LRRC37A2: variants seen among roughly 807,000 people sequenced by gnomAD.
LRRC37A2 encodes the protein leucine rich repeat containing 37 member A2, also known as leucine-rich repeat-containing protein 37A2.
Under a neutral mutation model 68.8 loss-of-function variants are expected in LRRC37A2, and 9 were observed. That is an observed-to-expected ratio of 0.13 (90% CI 0.08 to 0.23). LRRC37A2 has a LOEUF of 0.23. Among genes scored for constraint, LRRC37A2 ranks in the 10% least tolerant of loss-of-function variants. The probability of loss-of-function intolerance (pLI) is 1.00; values close to 1 mark genes in which losing one functional copy is unlikely to be tolerated. For synonymous variants in LRRC37A2, 63 were observed against 367.6 expected, an observed-to-expected ratio of 0.17 and a Z score of 9.48; for missense variants, 168 against 950.4, an observed-to-expected ratio of 0.18 and a Z score of 10.82.
chr17:47,046,322 G>A, the LRRC37A2 span, among the ~76,000 whole-genome samples: 1 of 103,582 alleles, frequency 9.7e-6, no homozygotes, highest in African/African-American at 3.7e-5. Flanking sequence ...TTCAGCCTGG[G>A]TGACAAAATA....
At chr17:47,038,477 T>C in the LRRC37A2 span, among the ~76,000 whole-genome samples, 1 of 151,772 alleles carries the variant, frequency 6.6e-6, no homozygotes, top group East Asian at 1.9e-4. Flanking sequence ...TATCCGAGTG[T>C]GGTGGTGCGC....
chr17:46,869,529 A>G, the LRRC37A2 span, among the ~76,000 whole-genome samples: 5 of 152,202 alleles, frequency 3.3e-5, no homozygotes, highest in Admixed American at 6.5e-5. Flanking sequence ...GAACAAACCA[A>G]CAAAAACCAG....
the LRRC37A2 span, among the ~76,000 whole-genome samples, chr17:46,997,775 GC>G: frequency 7.6e-4 from 115 of 152,294 alleles, no homozygotes; most frequent in African/African-American, 2.7e-3. Flanking sequence ...TTTGAGACCA[GC>G]CTGGCCCAGA....
the LRRC37A2 span, chr17:46,940,773 T>C: frequency 6.6e-7 from 1 of 1,523,548 alleles, no homozygotes; most frequent in Non-Finnish European, 8.8e-7. Flanking sequence ...TCCTCTAGTT[T>C]GGAATAAAAA....
At chr17:46,896,422 G>GAA in the LRRC37A2 span, among the ~76,000 whole-genome samples, 136 of 83,762 alleles carry the variant, frequency 1.6e-3, no homozygotes, top group African/African-American at 0.012. Flanking sequence ...AAGAAAGAAA[G>GAA]AAAGAAAGAA....
chr17:46,849,918 G>C, the LRRC37A2 span, among the ~76,000 whole-genome samples: 1 of 149,812 alleles, frequency 6.7e-6, no homozygotes, highest in African/African-American at 2.5e-5. Flanking sequence ...CGTGATTTCG[G>C]CTCACTGCAA....
chr17:46,511,159 CATT>C (rs2050930746), upstream of LRRC37A2, among the ~76,000 whole-genome samples: 1 of 120,260 alleles, frequency 8.3e-6, no homozygotes, highest in Non-Finnish European at 1.8e-5. Flanking sequence ...TCAAAACAGT[CATT>C]ATTTACTATT....
At chr17:46,961,925 A>G in the LRRC37A2 span, among the ~76,000 whole-genome samples, 1 of 152,240 alleles carries the variant, frequency 6.6e-6, no homozygotes, top group African/African-American at 2.4e-5. Flanking sequence ...CTGACCAATG[A>G]TTCCAAATCA....
chr17:46,954,100 A>G, the LRRC37A2 span, among the ~76,000 whole-genome samples: 2 of 152,208 alleles, frequency 1.3e-5, no homozygotes, highest in Admixed American at 6.5e-5. Context: ...TTAGACATGA[A>G]GTCCTTGCCC....
the LRRC37A2 span, chr17:46,923,443 C>A: frequency 1.9e-4 from 266 of 1,415,562 alleles, no homozygotes; most frequent in African/African-American, 3.5e-3. Flanking sequence ...GCAGATGACT[C>A]CTGGGGTCTG....
chr17:46,588,706 AG>A, the LRRC37A2 span, among the ~76,000 whole-genome samples: 1 of 33,858 alleles, frequency 3.0e-5, no homozygotes, highest in African/African-American at 8.9e-5. Flanking sequence ...AAAAAAAAAA[AG>A]GATACAACTG....
chr17:46,766,049 A>C, the LRRC37A2 span, among the ~76,000 whole-genome samples: 1 of 152,154 alleles, frequency 6.6e-6, no homozygotes, highest in South Asian at 2.1e-4. Context: ...AGCACTTTAC[A>C]TAAGATTGAG....
At chr17:46,916,853 T>C in the LRRC37A2 span, 2 of 152,300 alleles carry the variant, frequency 1.3e-5, no homozygotes, top group Admixed American at 6.5e-5. Context: ...CATCCCATGA[T>C]GGAAAAGTGA....
chr17:47,026,426 C>A, the LRRC37A2 span, among the ~76,000 whole-genome samples: 2 of 152,216 alleles, frequency 1.3e-5, no homozygotes, highest in African/African-American at 4.8e-5. Flanking sequence ...GTTGAGAGGG[C>A]ACGTTAGAAC....
At chr17:46,912,023 C>T in the LRRC37A2 span, among the ~76,000 whole-genome samples, 3 of 152,188 alleles carry the variant, frequency 2.0e-5, no homozygotes, top group Non-Finnish European at 4.4e-5. Context: ...GGCCAACCCC[C>T]ATCGCTTGAT....
chr17:46,542,985 CT>C (rs1694825687), intron 8 of LRRC37A2, among the ~76,000 whole-genome samples: 1 of 149,898 alleles, frequency 6.7e-6, no homozygotes, highest in Non-Finnish European at 1.5e-5. Flanking sequence ...CCTCACTTTC[CT>C]CAGCCTCCTG....
chr17:46,788,734 G>GCCCTGCGAGGACCT, the LRRC37A2 span, among the ~76,000 whole-genome samples: 324 of 152,140 alleles, frequency 2.1e-3, 4 homozygotes, highest in African/African-American at 4.8e-3. Context: ...AGGTGCAGTG[G>GCCCTGCGAGGACCT]CCCTGCGAGG....
chr17:46,821,571 G>A, the LRRC37A2 span, among the ~76,000 whole-genome samples: 3 of 152,226 alleles, frequency 2.0e-5, no homozygotes, highest in South Asian at 2.1e-4. Flanking sequence ...AAGGGAGGGC[G>A]GGGTGGAGGC....
At chr17:47,022,196 G>GTTTT in the LRRC37A2 span, among the ~76,000 whole-genome samples, 1 of 19,202 alleles carries the variant, frequency 5.2e-5, no homozygotes, top group African/African-American at 1.0e-4. Context: ...CCAGAGACAG[G>GTTTT]TTCTTACTTT....
Sources: gnomAD v4.1 joint callset for allele counts (sites outside exome capture counted in the v4.1 genomes callset) on GRCh38, gnomAD v4.1.1 for gene constraint, MANE v1.5 for transcripts, NCBI Gene and HGNC (gene_info 2026-07-23, HGNC 2026-07-21) for gene names.